Variants in CEP112 observed in about 807,000 individuals in gnomAD.
CEP112 encodes the protein centrosomal protein 112.
A neutral mutation model predicts 153.0 loss-of-function variants in CEP112; 127 were observed. The observed-to-expected ratio is 0.83, with a 90% CI of 0.72 to 0.96. CEP112 has a LOEUF of 0.96. Among genes scored for constraint, CEP112 ranks in the 40% least tolerant of loss-of-function variants. The pLI is 0.00. For synonymous variants in CEP112, 358 were observed against 374.4 expected, an observed-to-expected ratio of 0.96 and a Z score of 0.51; for missense variants, 1,089 against 1,101.2, an observed-to-expected ratio of 0.99 and a Z score of 0.16.
chr17:65,903,852 A>G (rs1480843044), intron 19 of CEP112, among the ~76,000 whole-genome samples: 1 of 143,678 alleles, frequency 7.0e-6, no homozygotes, highest in African/African-American at 2.6e-5. Flanking sequence ...AACAGAACCA[A>G]TCACAAAAAA....
chr17:66,066,753 G>A (rs771816184), intron 10 of CEP112, 25 bp downstream of exon 10: 1 of 1,363,634 alleles, frequency 7.3e-7, no homozygotes, highest in South Asian at 1.5e-5. Flanking sequence ...GTTATTAAAA[G>A]ATGTATGTAA....
chr17:65,734,375 T>C (rs1003344938), intron 23 of CEP112, among the ~76,000 whole-genome samples: 84 of 152,292 alleles, frequency 5.5e-4, no homozygotes, highest in African/African-American at 1.8e-3. Context: ...TCTCCAAGTA[T>C]TGGGTTTCAG....
At chr17:65,952,735 T>C (rs747253716) in intron 18 of CEP112, among the ~76,000 whole-genome samples, 5 of 152,226 alleles carry the variant, frequency 3.3e-5, no homozygotes, top group Admixed American at 6.5e-5. Context: ...CAGCAGTGTA[T>C]AAGAGCTTCA....
At chr17:65,761,073 G>GATT (rs2052588141) in intron 21 of CEP112, among the ~76,000 whole-genome samples, 1 of 151,626 alleles carries the variant, frequency 6.6e-6, no homozygotes, top group African/African-American at 2.4e-5. Context: ...AATACTCGTG[G>GATT]GCTCTTTAGT....
At chr17:66,016,714 T>C (rs2064790166) in intron 16 of CEP112, among the ~76,000 whole-genome samples, 1 of 152,190 alleles carries the variant, frequency 6.6e-6, no homozygotes. Flanking sequence ...CAATGTACCA[T>C]GTACCAGTAG....
At chr17:65,900,496 T>C (rs1028768494) in intron 20 of CEP112, among the ~76,000 whole-genome samples, 2 of 152,168 alleles carry the variant, frequency 1.3e-5, no homozygotes, top group Non-Finnish European at 2.9e-5. Context: ...GCACCCTATA[T>C]GGCAGACACG....
chr17:65,918,107 G>C (rs1378915597), intron 19 of CEP112, among the ~76,000 whole-genome samples: 1 of 151,344 alleles, frequency 6.6e-6, no homozygotes, highest in African/African-American at 2.4e-5. Flanking sequence ...TTGAACCTGG[G>C]AGGTGGAGGT....
intron 24 of CEP112, among the ~76,000 whole-genome samples, chr17:65,646,933 C>T (rs186879945): frequency 3.9e-5 from 6 of 152,164 alleles, no homozygotes; most frequent in African/African-American, 1.2e-4. Flanking sequence ...GGACTCCCCA[C>T]GCCTTCCCAT....
intron 18 of CEP112, among the ~76,000 whole-genome samples, chr17:65,934,251 T>TA (rs1168833727): frequency 2.6e-5 from 4 of 152,010 alleles, no homozygotes; most frequent in African/African-American, 9.7e-5. Context: ...ATCAAAAACA[T>TA]AAAATTAAGG....
chr17:66,004,873 T>C (rs756737755), intron 17 of CEP112, among the ~76,000 whole-genome samples: 1 of 152,206 alleles, frequency 6.6e-6, no homozygotes, highest in Non-Finnish European at 1.5e-5. Context: ...GGGAGTTAGC[T>C]AGGTATATTG....
intron 20 of CEP112, among the ~76,000 whole-genome samples, chr17:65,863,623 G>C (rs2058380238): frequency 6.6e-6 from 1 of 150,794 alleles, no homozygotes; most frequent in South Asian, 2.1e-4. Flanking sequence ...GCCGGGTGCA[G>C]TGGCGGGTGC....
chr17:65,673,568 T>A (rs957609069), intron 24 of CEP112, among the ~76,000 whole-genome samples: 3 of 152,190 alleles, frequency 2.0e-5, no homozygotes, highest in African/African-American at 7.2e-5. Flanking sequence ...CCATTCTGTC[T>A]ACCCCAATCC....
intron 21 of CEP112, among the ~76,000 whole-genome samples, chr17:65,777,732 T>C (rs2053765299): frequency 6.6e-6 from 1 of 152,140 alleles, no homozygotes; most frequent in Non-Finnish European, 1.5e-5. Context: ...TATTTTAGTT[T>C]ATTATATTTT....
At chr17:65,776,035 A>G (rs2318870) in intron 21 of CEP112, among the ~76,000 whole-genome samples, 3,045 of 152,256 alleles carry the variant, frequency 0.02, 56 homozygotes, top group African/African-American at 0.043. Flanking sequence ...TCAGAGATGA[A>G]CTCGCTGCAG....
At chr17:65,791,477 C>A (rs141304173) in intron 21 of CEP112, among the ~76,000 whole-genome samples, 1 of 152,230 alleles carries the variant, frequency 6.6e-6, no homozygotes, top group African/African-American at 2.4e-5. Flanking sequence ...GAGGGCACTT[C>A]CCTAAGTAAA....
chr17:65,649,341 ATGCTACAGTGG>A (rs1438093210), intron 24 of CEP112, among the ~76,000 whole-genome samples: 1 of 152,168 alleles, frequency 6.6e-6, no homozygotes, highest in Non-Finnish European at 1.5e-5. Flanking sequence ...CCACTGGTTT[ATGCTACAGTGG>A]TGGTTTATAT....
Position 65,640,987 on chromosome 17 carries a change from T to C in CEP112, c.2776A>G (p.Thr926Ala). ...ACCTGTGATTTTAGGGAGGAAATGG[T>C]GTCTTCAAGTTCTTGTCTTAGGGAT... is the stretch of plus-strand genomic sequence containing the variant. ...PASLRQELED[T>A]ISSLKSQVNF... The change falls in exon 25 of 27, where the codon ACC becomes GCC. Residue 926 changes from threonine (T) to alanine (A), a missense_variant. Physicochemically the swap from Thr to Ala is moderately conservative, Grantham distance 58. Coordinates refer to ENST00000535342, the MANE Select transcript of CEP112 (RefSeq NM_001199165.4). 6.2e-7 allele frequency: 1 copy of C among 1,604,888 alleles called. No individual in the cohort carries two copies. The highest frequency in any genetic ancestry group is 8.5e-7 in the Non-Finnish European group (1 of 1,171,722).
chr17:65,929,979 C>T (rs1036156116), intron 18 of CEP112, among the ~76,000 whole-genome samples: 1 of 152,186 alleles, frequency 6.6e-6, no homozygotes, highest in East Asian at 1.9e-4. Flanking sequence ...GAAAATGGTG[C>T]CTTTTATTCA....
Position 65,988,995 on chromosome 17 carries a change from C to T in CEP112, c.1736+16695G>A, listed in dbSNP as rs9892338. 6.5e-3 allele frequency among the ~76,000 whole-genome samples: 991 copies of T among 151,950 alleles called. 10 individuals are homozygous for T. The highest frequency in any genetic ancestry group is 0.023 in the African/African-American group (951 of 41,446). On this transcript the variant is annotated intron_variant, in intron 17 of 26. Transcript: ENST00000535342. Reference sequence around the variant, plus strand: ...ATCCCAGCACTTTGGGACGCTGAGGCGGGCAGATCACCAGGTCAGGAGATC... The same window carrying T: ...ATCCCAGCACTTTGGGACGCTGAGGTGGGCAGATCACCAGGTCAGGAGATC...
Sources: allele counts gnomAD v4.1 joint callset (sites outside exome capture counted in the v4.1 genomes callset), GRCh38; gene constraint gnomAD v4.1.1; transcripts MANE v1.5; gene names NCBI Gene and HGNC (gene_info 2026-07-23, HGNC 2026-07-21).